The following CDH13 variants were observed in gnomAD, a reference collection of about 807,000 sequenced individuals.
CDH13 encodes cadherin-13.
CDH13 carries 24 observed loss-of-function variants against 63.8 expected under a neutral mutation model. The observed-to-expected ratio is 0.38, with a 90% CI of 0.27 to 0.53. The LOEUF (loss-of-function observed/expected upper bound fraction) is 0.53. CDH13 is among the 20% of genes least tolerant of loss of function. The pLI is 0.85. For missense variants in CDH13, 1,049 were observed against 903.1 expected (o/e 1.16, Z -2.07); for synonymous variants, 503 against 355.3 (o/e 1.42, Z -4.67).
intron 1 of CDH13, among the ~76,000 whole-genome samples, chr16:82,782,830 A>G (rs1192789160): frequency 6.6e-6 from 1 of 152,094 alleles, no homozygotes; most frequent in East Asian, 1.9e-4. Context: ...TTTCAGCTCC[A>G]AGTTCCTGGC....
intron 1 of CDH13, among the ~76,000 whole-genome samples, chr16:82,728,050 T>C (rs148524716): frequency 9.8e-5 from 15 of 152,302 alleles, no homozygotes; most frequent in African/African-American, 3.6e-4. Flanking sequence ...ACTTATTATG[T>C]CTGCTTCCTC....
chr16:82,700,459 T>C (rs117120180), intron 1 of CDH13, among the ~76,000 whole-genome samples: 1,568 of 152,304 alleles, frequency 0.01, 9 homozygotes, highest in Non-Finnish European at 0.017. Flanking sequence ...CATTAGCTTG[T>C]ATTTTCAAAT....
chr16:82,919,868 A>C (rs2042101477), intron 2 of CDH13, among the ~76,000 whole-genome samples: 1 of 152,248 alleles, frequency 6.6e-6, no homozygotes, highest in African/African-American at 2.4e-5. Flanking sequence ...GCTAGAAAAC[A>C]AACAGAAATA....
At chr16:83,662,920 A>C (rs1913574766) in intron 8 of CDH13, among the ~76,000 whole-genome samples, 1 of 152,192 alleles carries the variant, frequency 6.6e-6, no homozygotes, top group Non-Finnish European at 1.5e-5. Flanking sequence ...CCAGTCAGCG[A>C]CTGAGAGCAC....
At chr16:82,966,399 C>G (rs867940637) in intron 2 of CDH13, among the ~76,000 whole-genome samples, 2 of 152,058 alleles carry the variant, frequency 1.3e-5, no homozygotes, top group Admixed American at 6.5e-5. Flanking sequence ...CGCCCACCTC[C>G]GCCTCCCAAA....
At chr16:83,222,220 G>C (rs138069107) in intron 5 of CDH13, among the ~76,000 whole-genome samples, 2 of 152,274 alleles carry the variant, frequency 1.3e-5, no homozygotes, top group South Asian at 2.1e-4. Context: ...TATATAACTT[G>C]TTCTTTTTTG....
intron 3 of CDH13, among the ~76,000 whole-genome samples, chr16:83,046,680 C>A (rs555014310): frequency 1.3e-4 from 20 of 152,244 alleles, no homozygotes; most frequent in African/African-American, 4.3e-4. Context: ...TATTTGAGGG[C>A]TACTCAGAGG....
At chr16:83,433,450 A>G (rs1250662242) in intron 6 of CDH13, among the ~76,000 whole-genome samples, 5 of 152,230 alleles carry the variant, frequency 3.3e-5, no homozygotes, top group African/African-American at 9.6e-5. Flanking sequence ...GGGAAAATGC[A>G]TGACCAGCGG....
At chr16:83,171,767 A>C (rs773961232) in intron 4 of CDH13, among the ~76,000 whole-genome samples, 1 of 152,130 alleles carries the variant, frequency 6.6e-6, no homozygotes, top group Non-Finnish European at 1.5e-5. Context: ...TTCAGGTAGT[A>C]TTGTAGGAAG....
chr16:83,015,673 G>GTGTATGTA (rs1220935113), intron 2 of CDH13, among the ~76,000 whole-genome samples: 2 of 39,994 alleles, frequency 5.0e-5, no homozygotes, highest in Non-Finnish European at 1.0e-4. Flanking sequence ...GTGTGTGTGT[G>GTGTATGTA]TATGTATATA....
At chr16:83,092,543 C>T (rs8063349) in intron 3 of CDH13, among the ~76,000 whole-genome samples, 53 of 152,312 alleles carry the variant, frequency 3.5e-4, no homozygotes, top group African/African-American at 1.3e-3. Flanking sequence ...TATTGCAAAT[C>T]AATAGAAGCT....
At chr16:83,132,538 C>T (rs2036103174) in intron 4 of CDH13, among the ~76,000 whole-genome samples, 1 of 150,232 alleles carries the variant, frequency 6.7e-6, no homozygotes, top group African/African-American at 2.5e-5. Context: ...ACGTCCGCCT[C>T]CCAGCTTCAA....
intron 2 of CDH13, among the ~76,000 whole-genome samples, chr16:83,027,541 G>T (rs1915931107): frequency 6.6e-6 from 1 of 152,152 alleles, no homozygotes; most frequent in Admixed American, 6.5e-5. Context: ...GAAGACAAAG[G>T]CAGAGGGGAG....
intron 7 of CDH13, among the ~76,000 whole-genome samples, chr16:83,572,468 C>A (rs1015264438): frequency 1.3e-5 from 2 of 152,152 alleles, no homozygotes; most frequent in African/African-American, 4.8e-5. Flanking sequence ...AACTCTCTTT[C>A]ATTCCTCTGC....
Position 83,306,662 on chromosome 16 carries a change from A to G in CDH13, c.637-38200A>G, listed in dbSNP as rs890283311. ...ATTCCAAGTACTTTTATTTGACTAG[A>G]CTATAGGGGTAGCACAGAGTCCAAA... On this transcript the variant is annotated intron_variant, in intron 5 of 13. Transcript: ENST00000567109. Among the ~76,000 whole-genome samples the G allele has an allele frequency of 1.4e-4, 22 of 152,156 alleles. 1 individual carries two copies. The highest frequency in any genetic ancestry group is 1.5e-5 in the Non-Finnish European group (1 of 68,026).
intron 1 of CDH13, among the ~76,000 whole-genome samples, chr16:82,688,360 C>T (rs1159783829): frequency 6.6e-6 from 1 of 152,198 alleles, no homozygotes; most frequent in African/African-American, 2.4e-5. Flanking sequence ...TTTTAAACCT[C>T]TCTGAGCTTC....
At chr16:83,014,321 A>T (rs1177460373) in intron 2 of CDH13, among the ~76,000 whole-genome samples, 1 of 96,060 alleles carries the variant, frequency 1.0e-5, no homozygotes, top group Non-Finnish European at 2.1e-5. Flanking sequence ...CAAATCGATA[A>T]AAAAAAAAAA....
chr16:82,824,349 G>T (rs557583042), intron 1 of CDH13: 42 of 152,100 alleles, frequency 2.8e-4, no homozygotes, highest in African/African-American at 8.4e-4. Flanking sequence ...TTTGTTTTCA[G>T]AATTCCTTGT....
At chr16:82,888,761 T>A (rs1353691867) in intron 2 of CDH13, among the ~76,000 whole-genome samples, 1 of 152,206 alleles carries the variant, frequency 6.6e-6, no homozygotes, top group Non-Finnish European at 1.5e-5. Context: ...CCCCTAAGTG[T>A]AGTTAAGCCC....
Sources: allele counts gnomAD v4.1 joint callset (sites outside exome capture counted in the v4.1 genomes callset), GRCh38; gene constraint gnomAD v4.1.1; transcripts MANE v1.5; gene names NCBI Gene and HGNC (gene_info 2026-07-23, HGNC 2026-07-21).